ADAM22: variants seen among roughly 807,000 people sequenced by gnomAD.
ADAM22 encodes the protein ADAM metallopeptidase domain 22.
A neutral mutation model predicts 144.6 loss-of-function variants in ADAM22; 65 were observed. That is an observed-to-expected ratio of 0.45 (90% CI 0.37 to 0.55). The LOEUF (loss-of-function observed/expected upper bound fraction) is 0.55. ADAM22 is among the 20% of genes least tolerant of loss of function. The pLI is 0.00. For missense variants in ADAM22, 974 were observed against 1,184.9 expected (o/e 0.82, Z 2.61); for synonymous variants, 391 against 412.6 (o/e 0.95, Z 0.63).
At chr7:88,113,413 C>A (rs1826589928) in intron 5 of ADAM22, among the ~76,000 whole-genome samples, 1 of 151,042 alleles carries the variant, frequency 6.6e-6, no homozygotes, top group South Asian at 2.1e-4. Context: ...CTGCTTCTAT[C>A]CTTGCTGTGC....
At chr7:88,068,358 G>A (rs1811839347) in intron 3 of ADAM22, among the ~76,000 whole-genome samples, 1 of 152,078 alleles carries the variant, frequency 6.6e-6, no homozygotes, top group Admixed American at 6.6e-5. Flanking sequence ...CTCTTCTTCT[G>A]GAGAGGTTTT....
chr7:88,045,472 G>A (rs1177496421), intron 3 of ADAM22, among the ~76,000 whole-genome samples: 2 of 151,898 alleles, frequency 1.3e-5, no homozygotes, highest in Non-Finnish European at 2.9e-5. Flanking sequence ...ATGTTTTGAT[G>A]TATGTACATA....
At chr7:87,996,075 T>C (rs577140316) in intron 3 of ADAM22, among the ~76,000 whole-genome samples, 1 of 152,314 alleles carries the variant, frequency 6.6e-6, no homozygotes, top group South Asian at 2.1e-4. Context: ...TAGGTTTATT[T>C]TGCAGTAATA....
intron 25 of ADAM22, among the ~76,000 whole-genome samples, chr7:88,168,713 A>G (rs1241174884): frequency 2.6e-5 from 4 of 152,190 alleles, no homozygotes; most frequent in Non-Finnish European, 5.9e-5. Flanking sequence ...TCAAATAACT[A>G]ATTTAAGTTT....
chr7:88,074,883 T>A (rs1813808190), intron 3 of ADAM22, among the ~76,000 whole-genome samples: 1 of 152,214 alleles, frequency 6.6e-6, no homozygotes, highest in African/African-American at 2.4e-5. Context: ...AGTTTTTAGT[T>A]GGCTCAATGT....
chr7:88,126,096 G>A (rs144582886), intron 8 of ADAM22, among the ~76,000 whole-genome samples: 1 of 152,144 alleles, frequency 6.6e-6, no homozygotes, highest in Non-Finnish European at 1.5e-5. Context: ...AAACTTTGGA[G>A]TCCAGGATAT....
At chr7:88,127,590 T>C (rs1187936523) in intron 8 of ADAM22, among the ~76,000 whole-genome samples, 2 of 151,964 alleles carry the variant, frequency 1.3e-5, no homozygotes, top group East Asian at 1.9e-4. Context: ...ATAATAGTTT[T>C]TTTTTTTTAA....
Position 88,179,127 on chromosome 7 carries a change from C to G in ADAM22, c.2493C>G (p.Ser831Arg), listed in dbSNP as rs1189319680. 9.0e-7 allele frequency: 1 copy of G among 1,116,442 alleles called. No individual in the cohort carries two copies. Among genetic ancestry groups the G allele is most frequent in the Admixed American group, 1.9e-5 (1 of 52,732 alleles). 69.2% of individuals were successfully genotyped at this position (1,116,442 alleles called of 1,614,324 possible). ...GTCAGAACATTTCATTATTTTGCAG[C>G]AGGTTTGATTACTTCTTCCTTCTTT... ...SISQNISLFC[S>R]RSNGLSHSWS... Residue 831 changes from serine (S) to arginine (R), a missense_variant and splice_region_variant, in exon 27 of 32, where the codon AGC (serine) becomes AGG (arginine). By Grantham distance (110) the Ser-to-Arg change is moderately radical. Coordinates refer to ENST00000413139, the MANE Select transcript of ADAM22 (RefSeq NM_001324418.2).
intron 3 of ADAM22, among the ~76,000 whole-genome samples, chr7:88,041,944 G>A (rs551753278): frequency 2.9e-4 from 44 of 152,132 alleles, no homozygotes; most frequent in African/African-American, 9.4e-4. Context: ...TGAATAGAGA[G>A]AAAAGTGTTT....
intron 3 of ADAM22, among the ~76,000 whole-genome samples, chr7:87,985,003 C>CT (rs112339670): frequency 0.011 from 1,513 of 142,312 alleles, 21 homozygotes; most frequent in African/African-American, 0.032. Flanking sequence ...CAATGAAAGT[C>CT]TTTTTTTTTT....
At position 88,201,150 on chromosome 7, in the gene ADAM22, C is replaced by T. The variant is rs748005136; in HGVS notation, c.*4659C>T. 1.3e-5 allele frequency: 2 copies of T among 152,176 alleles called. No homozygotes were observed. Among genetic ancestry groups the T allele is most frequent in the Non-Finnish European group, 2.9e-5 (2 of 68,040 alleles). 9.4% of individuals were successfully genotyped at this position (152,176 alleles called of 1,614,324 possible). A position where few individuals can be genotyped will look rare whatever the true frequency, so the allele number is the denominator to read the frequency against. On this transcript the variant is annotated 3_prime_UTR_variant, in exon 32 of 32. Coordinates refer to ENST00000413139, the MANE Select transcript of ADAM22 (RefSeq NM_001324418.2). Reference sequence around the variant, plus strand: ...ACATTTTATTCATTGCTTTGTTAGTCCCGCAAATGGAGCAACTTCTGGTTG... The same window carrying T: ...ACATTTTATTCATTGCTTTGTTAGTTCCGCAAATGGAGCAACTTCTGGTTG...
chr7:88,113,119 CTTTTTTTT>C (rs34323035), intron 5 of ADAM22, among the ~76,000 whole-genome samples: 3 of 79,000 alleles, frequency 3.8e-5, no homozygotes, highest in South Asian at 6.3e-4. Flanking sequence ...TGCCTGCCCT[CTTTTTTTT>C]TTTTTTTTTT....
At chr7:88,082,624 C>A (rs151298729) in intron 4 of ADAM22, among the ~76,000 whole-genome samples, 1 of 152,152 alleles carries the variant, frequency 6.6e-6, no homozygotes, top group South Asian at 2.1e-4. Flanking sequence ...CTACAATGTA[C>A]TCAAACAAAT....
At chr7:88,024,502 A>G (rs958333294) in intron 3 of ADAM22, among the ~76,000 whole-genome samples, 4 of 151,976 alleles carry the variant, frequency 2.6e-5, no homozygotes, top group Non-Finnish European at 5.9e-5. Flanking sequence ...GGATAAATGT[A>G]TATTCAGATA....
At chr7:88,183,389 T>C (rs1377862349) in intron 29 of ADAM22, among the ~76,000 whole-genome samples, 2 of 152,130 alleles carry the variant, frequency 1.3e-5, no homozygotes, top group Non-Finnish European at 2.9e-5. Context: ...TTTAGTGTTC[T>C]AACAGCATTT....
chr7:88,055,360 C>A (rs1807920829), intron 3 of ADAM22, among the ~76,000 whole-genome samples: 1 of 150,930 alleles, frequency 6.6e-6, no homozygotes, highest in African/African-American at 2.4e-5. Context: ...AACTAGAACT[C>A]ATCTCAAAAA....
intron 2 of ADAM22, among the ~76,000 whole-genome samples, chr7:87,936,588 A>G (rs1841303963): frequency 6.6e-6 from 1 of 152,032 alleles, no homozygotes; most frequent in Admixed American, 6.6e-5. Context: ...TTTTGTCTAT[A>G]CCCTACGTAT....
chr7:88,031,725 C>T (rs933477169), intron 3 of ADAM22, among the ~76,000 whole-genome samples: 4 of 152,188 alleles, frequency 2.6e-5, no homozygotes, highest in African/African-American at 9.7e-5. Context: ...TCATGGCAGC[C>T]CCTCCCATCA....
chr7:88,124,811 C>T (rs973074239), intron 7 of ADAM22, among the ~76,000 whole-genome samples: 2 of 151,942 alleles, frequency 1.3e-5, no homozygotes, highest in African/African-American at 4.8e-5. Flanking sequence ...GCTTCTTGGT[C>T]ACAAATTTCT....
Sources: allele counts gnomAD v4.1 joint callset (sites outside exome capture counted in the v4.1 genomes callset), GRCh38; gene constraint gnomAD v4.1.1; transcripts MANE v1.5; gene names NCBI Gene and HGNC (gene_info 2026-07-23, HGNC 2026-07-21).